Variants in MEMO1 observed in about 807,000 individuals in gnomAD.
MEMO1 encodes mediator of cell motility 1.
In MEMO1, 6 loss-of-function variants were observed where a neutral mutation model predicts 45.2. The observed-to-expected ratio is 0.13, with a 90% CI of 0.07 to 0.26. MEMO1 has a LOEUF of 0.26. MEMO1 is among the 10% of genes least tolerant of loss of function. MEMO1 has a pLI of 1.00. For missense variants in MEMO1, 184 were observed against 370.5 expected (o/e 0.50, Z 4.13); for synonymous variants, 78 against 124.3 (o/e 0.63, Z 2.48).
At chr2:31,949,704 G>A (rs951342777) in intron 2 of MEMO1, among the ~76,000 whole-genome samples, 1 of 148,998 alleles carries the variant, frequency 6.7e-6, no homozygotes, top group Non-Finnish European at 1.5e-5. Flanking sequence ...TAGCACAATA[G>A]GTTAGCTACA....
At chr2:31,994,629 T>TAA (rs963076418) in intron 2 of MEMO1, among the ~76,000 whole-genome samples, 3 of 148,326 alleles carry the variant, frequency 2.0e-5, no homozygotes, top group African/African-American at 7.4e-5. Flanking sequence ...AGACTTTGTC[T>TAA]AAAAAAAAAA....
At chr2:31,975,236 C>G (rs1160948437) in intron 2 of MEMO1, among the ~76,000 whole-genome samples, 1 of 152,084 alleles carries the variant, frequency 6.6e-6, no homozygotes, top group African/African-American at 2.4e-5. Context: ...GAAAGTAAAA[C>G]TAATGTAAAA....
intron 2 of MEMO1, among the ~76,000 whole-genome samples, chr2:32,004,116 G>A (rs186510235): frequency 8.3e-4 from 127 of 152,268 alleles, no homozygotes; most frequent in East Asian, 7.3e-3. Flanking sequence ...AAGAGTTAGA[G>A]GCTGCAGTGA....
At chr2:31,994,101 C>T (rs1479397559) in intron 2 of MEMO1, among the ~76,000 whole-genome samples, 1 of 150,352 alleles carries the variant, frequency 6.7e-6, no homozygotes, top group Non-Finnish European at 1.5e-5. Context: ...GCTGGGATTA[C>T]AGGCGTGCAC....
intron 2 of MEMO1, among the ~76,000 whole-genome samples, chr2:32,007,697 TACTC>T (rs1393480969): frequency 6.6e-6 from 1 of 152,198 alleles, no homozygotes; most frequent in African/African-American, 2.4e-5. Flanking sequence ...CATCTCCTAT[TACTC>T]ACACTTTTTT....
intron 2 of MEMO1, among the ~76,000 whole-genome samples, chr2:31,981,017 A>G (rs1446447197): frequency 6.6e-6 from 1 of 152,246 alleles, no homozygotes; most frequent in Admixed American, 6.5e-5. Flanking sequence ...TCTCCCTCAC[A>G]CAGTTTAAAT....
rs541104406 is a variant in MEMO1 at position 31,946,266 on chromosome 2, T to C, written c.62-2883A>G. On this transcript the variant is annotated intron_variant, in intron 2 of 9. Transcript: ENST00000404530. ...ATATTCCTTGTTTTTATTTTGTATT[T>C]GTGTTTCAATAACATGCACTGAAAT... 1.8e-4 allele frequency among the ~76,000 whole-genome samples: 27 copies of C among 152,280 alleles called. No individual in the cohort carries two copies. In the South Asian group the frequency reaches 5.6e-3, roughly 32 times the overall value.
At chr2:31,959,944 T>C (rs997159576) in intron 2 of MEMO1, among the ~76,000 whole-genome samples, 55 of 152,296 alleles carry the variant, frequency 3.6e-4, no homozygotes, top group African/African-American at 1.3e-3. Context: ...ATTTCTGGCC[T>C]GGTGTGGTGG....
chr2:31,881,402 G>C (rs763436350), intron 8 of MEMO1, among the ~76,000 whole-genome samples: 1 of 150,280 alleles, frequency 6.7e-6, no homozygotes, highest in Admixed American at 6.6e-5. Flanking sequence ...GACTGAGGTA[G>C]GAGGACTGCC....
chr2:31,983,490 G>T (rs961360872), intron 2 of MEMO1, among the ~76,000 whole-genome samples: 8 of 151,986 alleles, frequency 5.3e-5, no homozygotes, highest in Admixed American at 1.3e-4. Flanking sequence ...CCAGAGTGAG[G>T]GTGGCACAAT....
At position 31,911,266 on chromosome 2, in the gene MEMO1, A is replaced by G. The variant is rs551165308; in HGVS notation, c.437+6660T>C. Reference sequence around the variant, plus strand: ...AAGGTATGTCGTTAAATGAAAGCCAATTTGAAAGGCTATATACTGCATGAT... The same window carrying G: ...AAGGTATGTCGTTAAATGAAAGCCAGTTTGAAAGGCTATATACTGCATGAT... On this transcript the variant is annotated intron_variant, in intron 6 of 9. Coordinates refer to ENST00000404530, the MANE Select transcript of MEMO1 (RefSeq NM_001301833.4). Among the ~76,000 whole-genome samples, 3 of 152,300 alleles carry G rather than the reference A, an allele frequency of 2.0e-5. No homozygotes were observed. The East Asian group carries it at 5.8e-4, about 29-fold the overall frequency.
intron 2 of MEMO1, among the ~76,000 whole-genome samples, chr2:31,955,994 G>A (rs189709241): frequency 1.4e-3 from 213 of 152,108 alleles, no homozygotes; most frequent in Admixed American, 2.9e-3. Context: ...CATGTTTACC[G>A]TCTGACAAAA....
intron 6 of MEMO1, among the ~76,000 whole-genome samples, chr2:31,892,652 A>G (rs1677147340): frequency 6.6e-6 from 1 of 152,192 alleles, no homozygotes; most frequent in South Asian, 2.1e-4. Flanking sequence ...AGTTTTATCA[A>G]CTGCACTTTT....
chr2:31,886,356 C>A (rs1676187727), intron 7 of MEMO1, among the ~76,000 whole-genome samples: 2 of 152,254 alleles, frequency 1.3e-5, no homozygotes, highest in African/African-American at 4.8e-5. Context: ...CAGAAGGCAT[C>A]TAATTTGAAG....
At position 31,910,700 on chromosome 2, in the gene MEMO1, A is replaced by G. The variant is rs192451388; in HGVS notation, c.437+7226T>C. Among the ~76,000 whole-genome samples, 1,481 of 152,230 alleles carry G rather than the reference A, an allele frequency of 9.7e-3. 27 individuals are homozygous for G. Among genetic ancestry groups the G allele is most frequent in the South Asian group, 0.049 (238 of 4,822 alleles). On this transcript the variant is annotated intron_variant, in intron 6 of 9. Coordinates refer to ENST00000404530, the MANE Select transcript of MEMO1 (RefSeq NM_001301833.4). ...GATAGTGAGACCCTGTCTCTACAAA[A>G]AATTTAAAAATTAGCCAGGCATGGT... is the stretch of plus-strand genomic sequence containing the variant.
At position 31,985,384 on chromosome 2, in the gene MEMO1, G is replaced by A. The variant is rs546430694; in HGVS notation, c.61+24803C>T. Among the ~76,000 whole-genome samples the A allele has an allele frequency of 2.0e-5, 3 of 152,286 alleles. No homozygotes were observed. The East Asian group carries it at 5.8e-4, about 29-fold the overall frequency. ...CTCTGTCACCAGGCTGGAGTGCAGT[G>A]GTGCAATCTTGGCTCATTGCAACCT... On this transcript the variant is annotated intron_variant, in intron 2 of 9. Transcript: ENST00000404530.
At chr2:31,906,049 T>G (rs1553363218) in intron 6 of MEMO1, among the ~76,000 whole-genome samples, 1 of 149,956 alleles carries the variant, frequency 6.7e-6, no homozygotes, top group Non-Finnish European at 1.5e-5. Flanking sequence ...TCTCGGGCAC[T>G]GCAACCTCTG....
At chr2:31,928,314 A>T (rs1232419703) in intron 4 of MEMO1, among the ~76,000 whole-genome samples, 1 of 152,202 alleles carries the variant, frequency 6.6e-6, no homozygotes, top group Non-Finnish European at 1.5e-5. Flanking sequence ...AGGCCAAGGC[A>T]GGCAGATCAG....
chr2:31,946,196 T>C (rs900437589), intron 2 of MEMO1, among the ~76,000 whole-genome samples: 1 of 152,214 alleles, frequency 6.6e-6, no homozygotes. Context: ...ATATTTGATA[T>C]TGTCAGAATT....
Sources: gnomAD v4.1 joint callset for allele counts (sites outside exome capture counted in the v4.1 genomes callset) on GRCh38, gnomAD v4.1.1 for gene constraint, MANE v1.5 for transcripts, NCBI Gene and HGNC (gene_info 2026-07-23, HGNC 2026-07-21) for gene names.